PLXNC1: variants seen among roughly 807,000 people sequenced by gnomAD.
PLXNC1 encodes plexin C1.
A neutral mutation model predicts 178.2 loss-of-function variants in PLXNC1; 75 were observed. The ratio of observed to expected loss-of-function variants is 0.42; its 90% CI spans 0.35 to 0.51. PLXNC1 has a LOEUF of 0.51. Among genes scored for constraint, PLXNC1 ranks in the 20% least tolerant of loss-of-function variants. The probability of loss-of-function intolerance (pLI) is 0.02; values close to 1 mark genes in which losing one functional copy is unlikely to be tolerated. For synonymous variants in PLXNC1, 790 were observed against 779.9 expected (o/e 1.01, Z -0.22); for missense variants, 1,503 against 1,984.4 (o/e 0.76, Z 4.61).
intron 4 of PLXNC1, among the ~76,000 whole-genome samples, chr12:94,187,505 C>T (rs61926947): frequency 0.18 from 27,543 of 152,172 alleles, 2,571 homozygotes; most frequent in East Asian, 0.28. Flanking sequence ...TTGCCCCTGC[C>T]ATTTGCTACG....
Position 94,270,763 on chromosome 12 carries a change from CTT to C in PLXNC1, c.3597+5551_3597+5552del, listed in dbSNP as rs71984307. Among the ~76,000 whole-genome samples the C allele has an allele frequency of 2.3e-3, 345 of 147,594 alleles. 2 individuals carry two copies. The highest frequency in any genetic ancestry group is 8.0e-3 in the African/African-American group (321 of 40,156). On this transcript the variant is annotated intron_variant, in intron 21 of 30. Coordinates refer to ENST00000258526, the MANE Select transcript of PLXNC1 (RefSeq NM_005761.3). ...AAATTTGAGAAAATTATCTCCATTA[CTT>C]TTTTTTTTTTTTAAATGGAAAAAGG...
At chr12:94,281,095 A>G (rs1031685505) in intron 22 of PLXNC1, among the ~76,000 whole-genome samples, 5 of 152,220 alleles carry the variant, frequency 3.3e-5, no homozygotes, top group Admixed American at 1.3e-4. Flanking sequence ...CCTGGCCAAC[A>G]TGGTGAAACT....
At chr12:94,277,458 T>C (rs1966054002) in intron 21 of PLXNC1, among the ~76,000 whole-genome samples, 1 of 152,176 alleles carries the variant, frequency 6.6e-6, no homozygotes, top group South Asian at 2.1e-4. Context: ...GGTCCATAAG[T>C]CACGGGCTCA....
chr12:94,167,638 A>T (rs757064098), intron 1 of PLXNC1, among the ~76,000 whole-genome samples: 2 of 152,054 alleles, frequency 1.3e-5, no homozygotes, highest in Non-Finnish European at 2.9e-5. Flanking sequence ...CTAAACAGTG[A>T]TCTATTGTTC....
Position 94,230,699 on chromosome 12 carries a change from G to T in PLXNC1, c.1980+3464G>T, listed in dbSNP as rs1288593393. 2.0e-5 allele frequency among the ~76,000 whole-genome samples: 3 copies of T among 152,150 alleles called. 1 individual carries two copies. Among genetic ancestry groups the T allele is most frequent in the African/African-American group, 7.2e-5 (3 of 41,424 alleles). On this transcript the variant is annotated intron_variant, in intron 9 of 30. Transcript: ENST00000258526. ...TGTAACATTCTGGTTTCCACTTTGG[G>T]CCTTCATGTTGGCCTTGAACAAAGC...
rs376335192 is a variant in PLXNC1 at position 94,206,850 on chromosome 12, CCTCA to C, written c.1440-2737_1440-2734del. Among the ~76,000 whole-genome samples the C allele has an allele frequency of 9.8e-4, 149 of 152,314 alleles. 2 individuals carry two copies. The East Asian group carries it at 0.019, about 20-fold the overall frequency. On this transcript the variant is annotated intron_variant, in intron 4 of 30. Coordinates refer to ENST00000258526, the MANE Select transcript of PLXNC1 (RefSeq NM_005761.3). ...TGAGAGTGCATCACTGAAGAATCAG[CCTCA>C]CTAAGAGTCCTGTGTGACAATGAGA...
At chr12:94,155,979 T>C (rs538224231) in intron 1 of PLXNC1, among the ~76,000 whole-genome samples, 1 of 152,320 alleles carries the variant, frequency 6.6e-6, no homozygotes, top group East Asian at 1.9e-4. Flanking sequence ...AAAGCAATGC[T>C]GTGTTATGGT....
chr12:94,259,586 T>C (rs1288882656), intron 18 of PLXNC1, 24 bp from the exon 19 acceptor site: 2 of 1,512,970 alleles, frequency 1.3e-6, no homozygotes, highest in African/African-American at 2.9e-5. Context: ...TGTATTATAC[T>C]ATATATTTTT....
Position 94,247,973 on chromosome 12 carries a change from C to T in PLXNC1, c.2459C>T (p.Thr820Met), listed in dbSNP as rs770962418. 1.1e-5 allele frequency: 17 copies of T among 1,613,956 alleles called. No homozygotes were observed. The highest frequency in any genetic ancestry group is 2.7e-5 in the African/African-American group (2 of 74,900). Residue 820 changes from threonine to methionine, a missense_variant, in exon 13 of 31, where the codon ACG (threonine) becomes ATG (methionine). Physicochemically the swap from Thr to Met is moderately conservative, Grantham distance 81. Around this residue, in one of 4 missense-constraint regions of PLXNC1, gnomAD observed 639 missense variants for 979.7 expected, o/e 0.65. Coordinates refer to ENST00000258526, the MANE Select transcript of PLXNC1 (RefSeq NM_005761.3). ...APSLKSSKVR[T>M]NVTVKLRVQD... The stretch of plus-strand genomic sequence containing the variant: ...AGTTTAAAGAGTTCAAAAGTGCGCA[C>T]GAATGTCACTGTGAAGCTGAGAGTA...
intron 10 of PLXNC1, among the ~76,000 whole-genome samples, chr12:94,240,125 G>A (rs1964347525): frequency 6.6e-6 from 1 of 152,036 alleles, no homozygotes; most frequent in Non-Finnish European, 1.5e-5. Context: ...TAACAGATAA[G>A]CCATAGTGCC....
At chr12:94,219,951 A>C in intron 5 of PLXNC1, 65 bp from the exon 6 acceptor site, 1 of 1,464,880 alleles carries the variant, frequency 6.8e-7, no homozygotes, top group Non-Finnish European at 9.5e-7. Context: ...AGATCATATG[A>C]GGCTCTATGA....
intron 1 of PLXNC1, among the ~76,000 whole-genome samples, chr12:94,154,150 A>G (rs1190260874): frequency 6.6e-6 from 1 of 152,252 alleles, no homozygotes; most frequent in Non-Finnish European, 1.5e-5. Context: ...TTTTGTGTGA[A>G]GCAATTTACA....
rs1174282848 is a variant in PLXNC1 at position 94,294,535 on chromosome 12, C to G, written c.3929C>G (p.Thr1310Ser). ...IKVFKKIANF[T>S]SDVEYSDDHC... Reference sequence around the variant, plus strand: ...GTCTTTAAGAAGATAGCAAATTTTACTTCAGGTAACCAATATAATATTGTT... The same window carrying G: ...GTCTTTAAGAAGATAGCAAATTTTAGTTCAGGTAACCAATATAATATTGTT... The change falls in exon 24 of 31, where the codon ACT (threonine) becomes AGT (serine). Residue 1310 changes from threonine to serine, a missense_variant. Physicochemically the swap from Thr to Ser is moderately conservative, Grantham distance 58 (BLOSUM62 1). Coordinates refer to ENST00000258526, the MANE Select transcript of PLXNC1 (RefSeq NM_005761.3). 7.9e-7 allele frequency: 1 copy of G among 1,259,802 alleles called. No individual in the cohort carries two copies. The highest frequency in any genetic ancestry group is 1.2e-5 in the South Asian group (1 of 81,620). 78.0% of individuals were successfully genotyped at this position (1,259,802 alleles called of 1,614,324 possible).
chr12:94,218,328 G>A (rs1963701805), intron 5 of PLXNC1, among the ~76,000 whole-genome samples: 2 of 152,164 alleles, frequency 1.3e-5, no homozygotes, highest in Non-Finnish European at 2.9e-5. Context: ...GACCTCCGGG[G>A]ACTAGATTAG....
At chr12:94,296,485 T>G (rs1967931264) in intron 24 of PLXNC1, among the ~76,000 whole-genome samples, 1 of 152,160 alleles carries the variant, frequency 6.6e-6, no homozygotes, top group African/African-American at 2.4e-5. Context: ...ACAAACCAAA[T>G]GCCTTACTTC....
intron 5 of PLXNC1, among the ~76,000 whole-genome samples, chr12:94,217,333 C>A (rs935896889): frequency 1.3e-5 from 2 of 152,188 alleles, no homozygotes; most frequent in African/African-American, 4.8e-5. Flanking sequence ...ATATTGGAGC[C>A]ATTTAAGGCC....
rs1414417903 is a variant in PLXNC1 at position 94,307,479 on chromosome 12, A to T, written c.*2194A>T. 2.0e-5 allele frequency: 3 copies of T among 152,140 alleles called. No individual in the cohort carries two copies. Among genetic ancestry groups the T allele is most frequent in the African/African-American group, 7.2e-5 (3 of 41,430 alleles). The allele number at this position is 152,140 out of a possible 1,614,324, so 9.4% of individuals were successfully genotyped here. On this transcript the variant is annotated 3_prime_UTR_variant, in exon 31 of 31. Coordinates refer to ENST00000258526, the MANE Select transcript of PLXNC1 (RefSeq NM_005761.3). ...TTTCTATTTTCAAGTTTCTTTGCATATTTTTTTGGTGCAAAACCATTTATA... is the reference window on the plus strand; with the variant it reads ...TTTCTATTTTCAAGTTTCTTTGCATTTTTTTTTGGTGCAAAACCATTTATA...
chr12:94,217,726 G>T (rs1042125324), intron 5 of PLXNC1, among the ~76,000 whole-genome samples: 3 of 151,982 alleles, frequency 2.0e-5, no homozygotes, highest in African/African-American at 7.3e-5. Context: ...CCTTTTCATT[G>T]TACCATCTTA....
intron 1 of PLXNC1, among the ~76,000 whole-genome samples, chr12:94,151,918 G>A (rs889282070): frequency 2.0e-5 from 3 of 152,152 alleles, no homozygotes; most frequent in African/African-American, 7.2e-5. Flanking sequence ...AGGAAGTCGC[G>A]GAGCTTCTGC....
Sources: gnomAD v4.1 joint callset for allele counts (sites outside exome capture counted in the v4.1 genomes callset) on GRCh38, gnomAD v4.1.1 for gene constraint, gnomAD v4.1.1 regional missense constraint, MANE v1.5 for transcripts, NCBI Gene and HGNC (gene_info 2026-07-23, HGNC 2026-07-21) for gene names.